The following DAB1 variants were observed in gnomAD, a reference collection of about 807,000 sequenced individuals.
DAB1 encodes disabled homolog 1.
Under a neutral mutation model 64.6 loss-of-function variants are expected in DAB1, and 15 were observed. That is an observed-to-expected ratio of 0.23 (90% CI 0.16 to 0.36). The LOEUF is 0.36. DAB1 is among the 10% of genes least tolerant of loss of function. The pLI is 1.00. For missense variants in DAB1, 596 were observed against 706.7 expected, an observed-to-expected ratio of 0.84 and a Z score of 1.78; for synonymous variants, 235 against 251.9, an observed-to-expected ratio of 0.93 and a Z score of 0.64.
intron 7 of DAB1, among the ~76,000 whole-genome samples, chr1:57,564,713 C>T (rs927701549): frequency 9.2e-5 from 14 of 152,012 alleles, no homozygotes; most frequent in Admixed American, 7.9e-4. Context: ...TGAAATGAAG[C>T]GAGAAGAGAA....
At chr1:57,471,413 G>A (rs1687129807) in intron 7 of DAB1, among the ~76,000 whole-genome samples, 1 of 152,142 alleles carries the variant, frequency 6.6e-6, no homozygotes, top group East Asian at 1.9e-4. Context: ...CTTCATAATT[G>A]TGGGATAATA....
At chr1:57,001,323 T>C (rs992735456) in intron 14 of DAB1, among the ~76,000 whole-genome samples, 1 of 152,186 alleles carries the variant, frequency 6.6e-6, no homozygotes, top group Admixed American at 6.5e-5. Context: ...TTTGGCAGAT[T>C]TGTCCACGTC....
chr1:58,142,109 C>G lies in DAB1; in HGVS notation n.387+8402G>C, dbSNP rs536025711. Among the ~76,000 whole-genome samples the G allele has an allele frequency of 5.9e-5, 9 of 152,182 alleles. No individual in the cohort carries two copies. The East Asian group carries it at 1.7e-3, about 30-fold the overall frequency. Reference sequence around the variant, plus strand: ...GCTTCAGGGACCTTCTCTGTGGGCTCCATCCCTGAATAAGAGGCATGGACA... The same window carrying G: ...GCTTCAGGGACCTTCTCTGTGGGCTGCATCCCTGAATAAGAGGCATGGACA... On this transcript the variant is annotated intron_variant and non_coding_transcript_variant, in intron 5 of 20. Transcript: ENST00000485760.
At chr1:58,477,881 A>C (rs916102705) in intron 3 of DAB1, among the ~76,000 whole-genome samples, 1 of 152,180 alleles carries the variant, frequency 6.6e-6, no homozygotes, top group African/African-American at 2.4e-5. Context: ...AAAAACCTTA[A>C]GAAATACACC....
In DAB1 at chr1:57,053,660, C is replaced by CTCTCTCTCTA. The variant is rs1399510534; in HGVS notation, c.723+9223_723+9224insTAGAGAGAGA. Among the ~76,000 whole-genome samples the CTCTCTCTCTA allele has an allele frequency of 9.5e-3, 1,110 of 116,648 alleles. 23 individuals carry two copies. Among genetic ancestry groups the CTCTCTCTCTA allele is most frequent in the African/African-American group, 0.035 (1,059 of 30,100 alleles). The allele number at this position is 116,648 out of a possible 152,430, so 76.5% of individuals were successfully genotyped here. A position where few individuals can be genotyped will look rare whatever the true frequency, so the allele number is the denominator to read the frequency against. ...TCTAAGAATCTCTCTCTCTCTCTCT[C>CTCTCTCTCTA]TATATGTATATATATATATATATAT... is the stretch of plus-strand genomic sequence containing the variant. On this transcript the variant is annotated intron_variant, in intron 9 of 14. Coordinates refer to ENST00000371236, the MANE Select transcript of DAB1 (RefSeq NM_001365792.1).
intron 7 of DAB1, among the ~76,000 whole-genome samples, chr1:57,555,788 T>C (rs1173574614): frequency 3.3e-5 from 5 of 152,224 alleles, no homozygotes; most frequent in Non-Finnish European, 7.4e-5. Context: ...ACATCACTGT[T>C]GATTCTTAAT....
rs369325335 is a variant in DAB1, at chr1:58,259,185, A to C, written n.309+84167T>G. Among the ~76,000 whole-genome samples, 33 of 152,314 alleles carry C rather than the reference A, an allele frequency of 2.2e-4. 1 individual carries two copies. The highest frequency in any genetic ancestry group is 7.7e-4 in the African/African-American group (32 of 41,582). On this transcript the variant is annotated intron_variant and non_coding_transcript_variant, in intron 4 of 20. Transcript: ENST00000485760. ...TATGCTATAAAACTGCAAAAAGCTT[A>C]AACAAACTGGAACAGAGACATAGGA... is the stretch of plus-strand genomic sequence containing the variant.
At chr1:57,392,021 A>G (rs1386546266) in intron 1 of DAB1, among the ~76,000 whole-genome samples, 1 of 152,172 alleles carries the variant, frequency 6.6e-6, no homozygotes, top group Non-Finnish European at 1.5e-5. Context: ...TCATTCAGGT[A>G]CACTTTAAGG....
intron 3 of DAB1, among the ~76,000 whole-genome samples, chr1:58,501,859 G>A (rs1645911784): frequency 6.6e-6 from 1 of 152,098 alleles, no homozygotes; most frequent in Non-Finnish European, 1.5e-5. Context: ...GAAGGGTGGG[G>A]CCCTGATCGA....
chr1:57,693,480 A>G (rs1042701054), intron 6 of DAB1, among the ~76,000 whole-genome samples: 1 of 148,834 alleles, frequency 6.7e-6, no homozygotes, highest in Non-Finnish European at 1.5e-5. Context: ...TGCACTAAGC[A>G]CTCTGTAAAA....
At chr1:57,673,659 A>T (rs1273149145) in intron 6 of DAB1, among the ~76,000 whole-genome samples, 2 of 152,160 alleles carry the variant, frequency 1.3e-5, no homozygotes, top group Non-Finnish European at 2.9e-5. Flanking sequence ...TTCAGCCTGT[A>T]CCATGAAAAT....
At chr1:57,974,814 A>C in intron 5 of DAB1, among the ~76,000 whole-genome samples, 1 of 152,280 alleles carries the variant, frequency 6.6e-6, no homozygotes, top group South Asian at 2.1e-4. Flanking sequence ...TACTCCATAC[A>C]TGATTATTAT....
At chr1:57,251,815 T>G (rs492986) in intron 2 of DAB1, among the ~76,000 whole-genome samples, 1 of 152,072 alleles carries the variant, frequency 6.6e-6, no homozygotes, top group Non-Finnish European at 1.5e-5. Flanking sequence ...ATTTTGGAAA[T>G]AGAAAACTGT....
intron 6 of DAB1, among the ~76,000 whole-genome samples, chr1:57,786,498 C>A (rs1250248737): frequency 6.6e-6 from 1 of 152,104 alleles, no homozygotes; most frequent in Non-Finnish European, 1.5e-5. Flanking sequence ...GGAAGTTTAT[C>A]AAAATTAGCT....
intron 6 of DAB1, among the ~76,000 whole-genome samples, chr1:57,672,165 C>G (rs535687221): frequency 1.3e-4 from 20 of 152,232 alleles, no homozygotes; most frequent in African/African-American, 3.6e-4. Context: ...ATCTAGAACT[C>G]AAACCCAGTT....
At chr1:58,438,179 G>T (rs1397514637) in intron 3 of DAB1, among the ~76,000 whole-genome samples, 1 of 152,072 alleles carries the variant, frequency 6.6e-6, no homozygotes, top group African/African-American at 2.4e-5. Flanking sequence ...CACTCTTTTC[G>T]TTCCAGCTAG....
chr1:58,368,962 A>C (rs1644240252), intron 3 of DAB1, among the ~76,000 whole-genome samples: 1 of 152,204 alleles, frequency 6.6e-6, no homozygotes, highest in South Asian at 2.1e-4. Context: ...TCAAGGCTGC[A>C]GTGAGCTGTG....
chr1:58,247,961 C>T (rs1486072997), intron 4 of DAB1, among the ~76,000 whole-genome samples: 3 of 152,130 alleles, frequency 2.0e-5, no homozygotes, highest in African/African-American at 7.2e-5. Flanking sequence ...CCTATATTCT[C>T]ACCCTGCATC....
At chr1:57,073,561 A>G (rs1207163305) in intron 4 of DAB1, among the ~76,000 whole-genome samples, 1 of 152,078 alleles carries the variant, frequency 6.6e-6, no homozygotes, top group East Asian at 1.9e-4. Flanking sequence ...CTGGGTGCTT[A>G]TGGTATGTTT....
Sources: gnomAD v4.1 joint callset for allele counts (sites outside exome capture counted in the v4.1 genomes callset) on GRCh38, gnomAD v4.1.1 for gene constraint, MANE v1.5 for transcripts, NCBI Gene and HGNC (gene_info 2026-07-23, HGNC 2026-07-21) for gene names.